The following CLEC2A variants were observed in gnomAD, a reference collection of about 807,000 sequenced individuals.
CLEC2A encodes keratinocyte-associated C-type lectin.
Under a neutral mutation model 18.6 loss-of-function variants are expected in CLEC2A, and 19 were observed. That is an observed-to-expected ratio of 1.02 (90% CI 0.71 to 1.50). The LOEUF is 1.50. Ranked by LOEUF, CLEC2A falls within the 40% of genes most tolerant of loss-of-function variation. The pLI is 0.00. For synonymous variants in CLEC2A, 74 were observed against 64.0 expected, an observed-to-expected ratio of 1.16 and a Z score of -0.75; for missense variants, 190 against 207.9, an observed-to-expected ratio of 0.91 and a Z score of 0.53.
At chr12:9,892,989 T>TGGC in the CLEC2A span, 1 of 1,502,302 alleles carries the variant, frequency 6.7e-7, no homozygotes, top group South Asian at 1.2e-5. Context: ...GCTGTAAAGT[T>TGGC]TAATTAATTT....
downstream of CLEC2A, among the ~76,000 whole-genome samples, chr12:9,897,672 A>G (rs1389174288): frequency 2.6e-5 from 4 of 152,074 alleles, no homozygotes; most frequent in Non-Finnish European, 5.9e-5. Flanking sequence ...TGCCCGCATA[A>G]GCTTTGAATT....
chr12:9,921,650 T>C (rs1451110168), intron 3 of CLEC2A, among the ~76,000 whole-genome samples: 1 of 152,198 alleles, frequency 6.6e-6, no homozygotes, highest in Non-Finnish European at 1.5e-5. Flanking sequence ...TAGCCTGCTG[T>C]TGACTGGAAG....
chr12:9,892,452 T>A, the CLEC2A span, among the ~76,000 whole-genome samples: 1 of 152,220 alleles, frequency 6.6e-6, no homozygotes, highest in East Asian at 1.9e-4. Flanking sequence ...AAAAATGTTA[T>A]AATTTGCTTC....
intron 3 of CLEC2A, among the ~76,000 whole-genome samples, chr12:9,920,877 A>T (rs74063397): frequency 0.01 from 1,556 of 152,310 alleles, 30 homozygotes; most frequent in African/African-American, 0.034. Context: ...CTGTATTTTT[A>T]AAAATTTTTT....
chr12:9,928,093 T>C (rs1417339289), intron 1 of CLEC2A, among the ~76,000 whole-genome samples: 2 of 152,158 alleles, frequency 1.3e-5, no homozygotes, highest in African/African-American at 4.8e-5. Context: ...TTTGTGACCA[T>C]GAGAATTAGT....
At chr12:9,927,102 C>T (rs914627357) in intron 1 of CLEC2A, among the ~76,000 whole-genome samples, 5 of 151,894 alleles carry the variant, frequency 3.3e-5, no homozygotes, top group African/African-American at 1.2e-4. Context: ...AGAAATGTGC[C>T]TTTAGGTGAT....
At chr12:9,932,157 C>T in intron 1 of CLEC2A, 118 bp downstream of exon 1, 1 of 725,612 alleles carries the variant, frequency 1.4e-6, no homozygotes, top group East Asian at 2.8e-5. Context: ...AGTGCTTCCC[C>T]ATCCCTCACT....
At chr12:9,892,714 A>G in the CLEC2A span, among the ~76,000 whole-genome samples, 893 of 150,140 alleles carry the variant, frequency 5.9e-3, 7 homozygotes, top group Middle Eastern at 0.01. Context: ...CCTCCCAAGT[A>G]GCTGGGATTA....
intron 4 of CLEC2A, among the ~76,000 whole-genome samples, chr12:9,901,902 A>G (rs531390629): frequency 2.6e-5 from 4 of 152,208 alleles, no homozygotes; most frequent in Non-Finnish European, 5.9e-5. Flanking sequence ...AATTTACAGA[A>G]AAATCATATA....
chr12:9,888,145 AT>A, the CLEC2A span, among the ~76,000 whole-genome samples: 69 of 151,840 alleles, frequency 4.5e-4, no homozygotes, highest in African/African-American at 1.6e-3. Flanking sequence ...AGTGAAAAAA[AT>A]AATATACAAA....
downstream of CLEC2A, among the ~76,000 whole-genome samples, chr12:9,910,785 T>TG (rs939698179): frequency 1.4e-4 from 22 of 152,188 alleles, no homozygotes; most frequent in African/African-American, 1.9e-4. Flanking sequence ...TTCGTCATGC[T>TG]GGGGGAGGTC....
At chr12:9,911,933 G>A (rs1477927630), downstream of CLEC2A, among the ~76,000 whole-genome samples, 1 of 152,154 alleles carries the variant, frequency 6.6e-6, no homozygotes, top group African/African-American at 2.4e-5. Flanking sequence ...CAAGATGGAG[G>A]CCTGCAACAC....
chr12:9,921,190 A>G (rs1863166811), intron 3 of CLEC2A, among the ~76,000 whole-genome samples: 5 of 152,206 alleles, frequency 3.3e-5, no homozygotes, highest in Admixed American at 3.3e-4. Flanking sequence ...AGTGCTTAGA[A>G]CACTGTTGAG....
intron 4 of CLEC2A, among the ~76,000 whole-genome samples, chr12:9,900,462 G>T (rs1311258601): frequency 6.6e-6 from 1 of 151,996 alleles, no homozygotes; most frequent in African/African-American, 2.4e-5. Context: ...TTCCAAAATA[G>T]ACTTTAGTTT....
At chr12:9,889,756 G>C in the CLEC2A span, among the ~76,000 whole-genome samples, 2 of 151,910 alleles carry the variant, frequency 1.3e-5, no homozygotes, top group African/African-American at 4.8e-5. Flanking sequence ...CGGTAATACA[G>C]TGTGGAGGCA....
chr12:9,919,596 G>A (rs567383852), intron 3 of CLEC2A, among the ~76,000 whole-genome samples: 19 of 152,314 alleles, frequency 1.2e-4, no homozygotes, highest in Middle Eastern at 3.4e-3. Flanking sequence ...GCTCAATAGC[G>A]CTTGCGAGGG....
At chr12:9,894,474 TCC>T (rs1392888399), downstream of CLEC2A, among the ~76,000 whole-genome samples, 1 of 152,086 alleles carries the variant, frequency 6.6e-6, no homozygotes, top group Non-Finnish European at 1.5e-5. Flanking sequence ...GAGCCACCAC[TCC>T]CAGCCTGATA....
chr12:9,881,191 C>T, the CLEC2A span, among the ~76,000 whole-genome samples: 1 of 152,004 alleles, frequency 6.6e-6, no homozygotes, highest in East Asian at 1.9e-4. Flanking sequence ...TTTTTATTTA[C>T]CTAGACATTT....
intron 4 of CLEC2A, among the ~76,000 whole-genome samples, chr12:9,916,496 T>C (rs1268772668): frequency 6.6e-6 from 1 of 152,146 alleles, no homozygotes; most frequent in African/African-American, 2.4e-5. Context: ...TTTCACCATG[T>C]GTCATTTAAC....
Sources: allele counts gnomAD v4.1 joint callset (sites outside exome capture counted in the v4.1 genomes callset), GRCh38; gene constraint gnomAD v4.1.1; transcripts MANE v1.5; gene names NCBI Gene and HGNC (gene_info 2026-07-23, HGNC 2026-07-21).